Variants in GLI2 observed in about 807,000 individuals in gnomAD.
The protein encoded by GLI2 is GLI family zinc finger 2.
GLI2 carries 22 observed loss-of-function variants against 78.9 expected under a neutral mutation model. The observed-to-expected ratio is 0.28, with a 90% CI of 0.20 to 0.40. GLI2 has a LOEUF of 0.40. Ranked by LOEUF, GLI2 falls within the 10% of genes least tolerant of loss-of-function variation. The pLI is 1.00. For missense variants in GLI2, 2,097 were observed against 2,213.2 expected (o/e 0.95, Z 1.05); for synonymous variants, 974 against 963.7 (o/e 1.01, Z -0.20).
At chr2:120,765,501 AG>A (rs1001595904) in intron 1 of GLI2, among the ~76,000 whole-genome samples, 29 of 152,220 alleles carry the variant, frequency 1.9e-4, no homozygotes, top group African/African-American at 6.8e-4. Context: ...AGGGCCGCCA[AG>A]GGAGAGGGCC....
Position 120,992,048 on chromosome 2 carries a change from A to ACACACACG in GLI2, c.*1376_*1377insACACGCAC, listed in dbSNP as rs1553480343. 1.4e-5 allele frequency: 2 copies of ACACACACG among 147,514 alleles called. No individual in the cohort carries two copies. The highest frequency in any genetic ancestry group is 5.3e-5 in the African/African-American group (2 of 37,980). The allele number at this position is 147,514 out of a possible 1,614,324, so 9.1% of individuals were successfully genotyped here. A position where few individuals can be genotyped will look rare whatever the true frequency, so the allele number is the denominator to read the frequency against. On this transcript the variant is annotated 3_prime_UTR_variant, in exon 14 of 14. Transcript: ENST00000361492. Reference sequence around the variant, plus strand: ...CACACACACACACACACACACACACACACCCCAAACCTTTTCATGGGGAAT... The same window carrying ACACACACG: ...CACACACACACACACACACACACACACACACACGCACCCCAAACCTTTTCATGGGGAAT...
At chr2:120,772,499 T>C (rs1162854501) in intron 1 of GLI2, among the ~76,000 whole-genome samples, 1 of 152,132 alleles carries the variant, frequency 6.6e-6, no homozygotes. Flanking sequence ...AGAGGGAATG[T>C]TTTAACTCTG....
At chr2:120,747,269 A>G (rs1682721783) in intron 1 of GLI2, among the ~76,000 whole-genome samples, 1 of 152,234 alleles carries the variant, frequency 6.6e-6, no homozygotes, top group Non-Finnish European at 1.5e-5. Flanking sequence ...TCAATGTAAG[A>G]CAATTATTTT....
At position 120,819,520 on chromosome 2, in the gene GLI2, G is replaced by C. The variant is rs535080677; in HGVS notation, c.148+22052G>C. The stretch of plus-strand genomic sequence containing the variant: ...CTCCTAAAGTGCTGGGATTGCAGGC[G>C]TGAGTCACTGCACCCCACCGGTTTT... On this transcript the variant is annotated intron_variant, in intron 2 of 13. Coordinates refer to ENST00000361492, the MANE Select transcript of GLI2 (RefSeq NM_001374353.1). Among the ~76,000 whole-genome samples the C allele has an allele frequency of 2.6e-5, 4 of 152,098 alleles. No homozygotes were observed. The South Asian group carries it at 6.2e-4, about 24-fold the overall frequency.
intron 2 of GLI2, among the ~76,000 whole-genome samples, chr2:120,890,646 T>TA (rs1051996532): frequency 3.9e-5 from 6 of 152,182 alleles, no homozygotes; most frequent in African/African-American, 1.4e-4. Context: ...GTCTTCCTGT[T>TA]ACTTCTTACA....
chr2:120,793,382 G>A (rs547427110), intron 1 of GLI2, among the ~76,000 whole-genome samples: 4 of 152,316 alleles, frequency 2.6e-5, no homozygotes, highest in East Asian at 1.9e-4. Context: ...TGTGGAGCCC[G>A]TGGGAGCCAT....
At chr2:120,867,169 G>C (rs984427736) in intron 2 of GLI2, 4 of 152,230 alleles carry the variant, frequency 2.6e-5, no homozygotes, top group Non-Finnish European at 5.9e-5. Context: ...TCTTCCTCTT[G>C]GGGCCACAGA....
chr2:120,851,154 C>A (rs1353112354), intron 2 of GLI2, among the ~76,000 whole-genome samples: 2 of 152,098 alleles, frequency 1.3e-5, no homozygotes, highest in African/African-American at 4.8e-5. Flanking sequence ...GAAAAAGAAT[C>A]ATGAAAATTA....
intron 1 of GLI2, among the ~76,000 whole-genome samples, chr2:120,745,799 C>G (rs1682677447): frequency 6.6e-6 from 1 of 152,208 alleles, no homozygotes; most frequent in African/African-American, 2.4e-5. Flanking sequence ...GCTGGTTCAC[C>G]TGGTGGCCAT....
intron 3 of GLI2, among the ~76,000 whole-genome samples, chr2:120,944,545 T>C (rs1680613776): frequency 6.6e-6 from 1 of 152,202 alleles, no homozygotes; most frequent in South Asian, 2.1e-4. Flanking sequence ...CAGAGTCACC[T>C]TGGGGATCAG....
intron 5 of GLI2, among the ~76,000 whole-genome samples, chr2:120,967,587 T>TA (rs1175532974): frequency 6.6e-6 from 1 of 152,196 alleles, no homozygotes; most frequent in Non-Finnish European, 1.5e-5. Flanking sequence ...CTTCCACAGT[T>TA]ATGTAGGTGT....
chr2:120,814,778 G>A (rs1043753719), intron 2 of GLI2, among the ~76,000 whole-genome samples: 3 of 70,416 alleles, frequency 4.3e-5, no homozygotes, highest in Non-Finnish European at 6.2e-5. Flanking sequence ...TCCTGCCCCC[G>A]CCCGCCCCAC....
intron 2 of GLI2, among the ~76,000 whole-genome samples, chr2:120,881,601 G>A (rs1558854030): frequency 9.9e-6 from 1 of 101,394 alleles, no homozygotes; most frequent in Non-Finnish European, 2.0e-5. Context: ...AGGATAGCTG[G>A]GGTGGCGGGG....
In GLI2 at chr2:120,901,137, G is replaced by C. The variant is rs531117900; in HGVS notation, c.149-26224G>C. Among the ~76,000 whole-genome samples, 8 of 152,284 alleles carry C rather than the reference G, an allele frequency of 5.3e-5. No individual in the cohort carries two copies. In the South Asian group the frequency reaches 1.5e-3, roughly 28 times the overall value. ...TTTACCAAAATGCACTGCTGACATG[G>C]AATTCACATTTGGCAAACCCCTGCC... On this transcript the variant is annotated intron_variant, in intron 2 of 13. Coordinates refer to ENST00000361492, the MANE Select transcript of GLI2 (RefSeq NM_001374353.1).
Position 120,833,801 on chromosome 2 carries a change from A to G in GLI2, c.148+36333A>G, listed in dbSNP as rs535968212. Among the ~76,000 whole-genome samples, 9 of 152,332 alleles carry G rather than the reference A, an allele frequency of 5.9e-5. No individual in the cohort carries two copies. In the East Asian group the frequency reaches 1.2e-3, roughly 20 times the overall value. On this transcript the variant is annotated intron_variant, in intron 2 of 13. Coordinates refer to ENST00000361492, the MANE Select transcript of GLI2 (RefSeq NM_001374353.1). ...ACATGGAGGCCATTTAGGGACATTC[A>G]GCATTTGAACTTAAGATTTGTTTTC... is the stretch of plus-strand genomic sequence containing the variant.
rs749962891 is a variant in GLI2, at chr2:120,971,930, C to T, written c.1060-11C>T. On this transcript the variant is annotated splice_polypyrimidine_tract_variant and intron_variant, in intron 7 of 13. Coordinates refer to ENST00000361492, the MANE Select transcript of GLI2 (RefSeq NM_001374353.1). ...CCTGAGTAACAGACTGTCCTCTGCA[C>T]CCTTCCTCAGAACAAGCAGAGCAGT... The T allele has an allele frequency of 2.5e-6, 4 of 1,613,508 alleles. No homozygotes were observed. Among genetic ancestry groups the T allele is most frequent in the East Asian group, 2.2e-5 (1 of 44,888 alleles).
At chr2:120,967,953 G>A (rs1573696320) in intron 5 of GLI2, among the ~76,000 whole-genome samples, 1 of 152,152 alleles carries the variant, frequency 6.6e-6, no homozygotes, top group South Asian at 2.1e-4. Context: ...TCTGGGGGCC[G>A]CCATCCAGGC....
intron 2 of GLI2, among the ~76,000 whole-genome samples, chr2:120,816,088 A>G (rs1297193836): frequency 2.6e-5 from 4 of 151,440 alleles, no homozygotes; most frequent in African/African-American, 7.3e-5. Flanking sequence ...ATCAGTGATG[A>G]TGTTTGGGGA....
chr2:120,753,922 A>AC (rs1478932315), intron 1 of GLI2, among the ~76,000 whole-genome samples: 32 of 151,934 alleles, frequency 2.1e-4, no homozygotes, highest in Admixed American at 3.3e-4. Flanking sequence ...TCTCAAAAAA[A>AC]AAAAAAAAAA....
Sources: gnomAD v4.1 joint callset for allele counts (sites outside exome capture counted in the v4.1 genomes callset) on GRCh38, gnomAD v4.1.1 for gene constraint, MANE v1.5 for transcripts, NCBI Gene and HGNC (gene_info 2026-07-23, HGNC 2026-07-21) for gene names.